Variants in CLASRP observed in about 807,000 individuals in gnomAD.
The protein encoded by CLASRP is CLK4 associating serine/arginine rich protein, also known as CLK4-associating serine/arginine rich protein.
CLASRP carries 52 observed loss-of-function variants against 99.9 expected under a neutral mutation model. The observed-to-expected ratio is 0.52, with a 90% CI of 0.42 to 0.66. CLASRP has a LOEUF of 0.66. CLASRP is among the 30% of genes least tolerant of loss of function. The pLI is 0.00. For missense variants in CLASRP, 848 were observed against 999.2 expected (o/e 0.85, Z 2.04); for synonymous variants, 379 against 373.0 (o/e 1.02, Z -0.18).
rs562991362 is a variant in CLASRP, at chr19:45,039,355, TCAAAAAAAAAAACAA to T, written c.-30+259_-30+273del. 8.2e-3 allele frequency among the ~76,000 whole-genome samples: 1,161 copies of T among 141,294 alleles called. 18 individuals are homozygous for T. Among genetic ancestry groups the T allele is most frequent in the African/African-American group, 0.029 (1,087 of 37,804 alleles). 92.7% of individuals were successfully genotyped at this position (141,294 alleles called of 152,430 possible). ...GCTTATCACAGGCCCCGCCCCCTTGTCAAAAAAAAAAACAACAAAAAAAAAACCCAGCCCAAATCC... is the reference window on the plus strand; with the variant it reads ...GCTTATCACAGGCCCCGCCCCCTTGTCAAAAAAAAAACCCAGCCCAAATCC... On this transcript the variant is annotated intron_variant, in intron 1 of 20. Coordinates refer to ENST00000221455, the MANE Select transcript of CLASRP (RefSeq NM_007056.3).
At chr19:45,061,901 G>A (rs1011939346) in intron 10 of CLASRP, among the ~76,000 whole-genome samples, 6 of 151,750 alleles carry the variant, frequency 4.0e-5, no homozygotes, top group Admixed American at 3.3e-4. Context: ...CAGAACCAGA[G>A]CTGCTGAAGT....
At chr19:45,046,412 C>T (rs892402404) in intron 2 of CLASRP, among the ~76,000 whole-genome samples, 1 of 152,166 alleles carries the variant, frequency 6.6e-6, no homozygotes, top group East Asian at 1.9e-4. Context: ...TCTGTTGATA[C>T]GGAAATAAGA....
intron 3 of CLASRP, 70 bp downstream of exon 3, chr19:45,052,238 A>C (rs1972038119): frequency 1.5e-6 from 2 of 1,321,494 alleles, no homozygotes; most frequent in Admixed American, 3.4e-5. Flanking sequence ...GGTGGTGTAG[A>C]GTGTGGAGCA....
At position 45,046,042 on chromosome 19, in the gene CLASRP, G is replaced by T. The variant is rs568144010; in HGVS notation, c.99+5731G>T. On this transcript the variant is annotated intron_variant, in intron 2 of 20. Coordinates refer to ENST00000221455, the MANE Select transcript of CLASRP (RefSeq NM_007056.3). The stretch of plus-strand genomic sequence containing the variant: ...AACCAATGTCTATGGGTGCTTTGTG[G>T]TGCAGGCCTGTACAAGCGGCCTTTG... Among the ~76,000 whole-genome samples the T allele has an allele frequency of 3.9e-5, 6 of 152,268 alleles. No individual in the cohort carries two copies. In the East Asian group the frequency reaches 1.2e-3, roughly 29 times the overall value.
At chr19:45,069,477 C>T (rs1967182805) in intron 18 of CLASRP, among the ~76,000 whole-genome samples, 1 of 152,228 alleles carries the variant, frequency 6.6e-6, no homozygotes, top group Non-Finnish European at 1.5e-5. Context: ...CCCAGCTCTT[C>T]CAGCCTCCAA....
At chr19:45,068,991 A>G (rs961110307) in intron 16 of CLASRP, 75 bp from the exon 17 acceptor site, 50 of 700,080 alleles carry the variant, frequency 7.1e-5, no homozygotes, top group Non-Finnish European at 9.2e-5. Flanking sequence ...CTCTGTCTCA[A>G]AAAAAAAAAA....
Position 45,064,581 on chromosome 19 carries a change from T to A in CLASRP, c.1360T>A (p.Ser454Thr). 1 of 1,542,946 alleles carries A rather than the reference T, an allele frequency of 6.5e-7. No individual in the cohort carries two copies. The highest frequency in any genetic ancestry group is 1.9e-5 in the Admixed American group (1 of 51,656). Residue 454 changes from serine (S) to threonine (T), a missense_variant, in exon 13 of 21, where the codon TCC (serine) becomes ACC (threonine). Coordinates refer to ENST00000221455, the MANE Select transcript of CLASRP (RefSeq NM_007056.3). ...GGGCTCCCGAGACGGACACCGGTAC[T>A]CCCGCTCGCCCGCCCGGCGTGGTGG... ...GGGSRDGHRY[S>T]RSPARRGGYG...
At chr19:45,050,109 T>C (rs1971994440) in intron 2 of CLASRP, among the ~76,000 whole-genome samples, 1 of 147,478 alleles carries the variant, frequency 6.8e-6, no homozygotes, top group South Asian at 2.1e-4. Flanking sequence ...AGGAATGGCG[T>C]GAGGCGAGGG....
intron 5 of CLASRP, 28 bp from the exon 6 acceptor site, chr19:45,056,422 C>T (rs759916518): frequency 6.2e-7 from 1 of 1,606,268 alleles, no homozygotes; most frequent in Admixed American, 1.7e-5. Context: ...CCAACCCACT[C>T]TGACCTGGGG....
At position 45,060,729 on chromosome 19, in the gene CLASRP, A is replaced by T. The variant is rs1356010217; in HGVS notation, c.863+102A>T. 1 of 939,576 alleles carries T rather than the reference A, an allele frequency of 1.1e-6. No homozygotes were observed. The allele number at this position is 939,576 out of a possible 1,614,324, so 58.2% of individuals were successfully genotyped here. ...TTTGGAGGCAGGCATTTGACTTGAG[A>T]AAGGAGTCTTTCTAGTGGGGCGATG... On this transcript the variant is annotated intron_variant, in intron 10 of 20. Coordinates refer to ENST00000221455, the MANE Select transcript of CLASRP (RefSeq NM_007056.3). The surrounding 1 kb of genome is among the most constrained non-coding windows in gnomAD (Gnocchi z 4.6).
chr19:45,066,463 C>T (rs1446307410), intron 13 of CLASRP, among the ~76,000 whole-genome samples: 2 of 151,286 alleles, frequency 1.3e-5, no homozygotes, highest in African/African-American at 4.9e-5. Context: ...TATAAAAACG[C>T]AATTCAAAAA....
rs565478334 is a variant in CLASRP at position 45,060,765 on chromosome 19, G to A, written c.863+138G>A. The A allele has an allele frequency of 8.4e-5, 59 of 705,484 alleles. No individual in the cohort carries two copies. Among genetic ancestry groups the A allele is most frequent in the Non-Finnish European group, 1.3e-4 (54 of 422,962 alleles). The allele number at this position is 705,484 out of a possible 1,614,324, so 43.7% of individuals were successfully genotyped here. On this transcript the variant is annotated intron_variant, in intron 10 of 20. Coordinates refer to ENST00000221455, the MANE Select transcript of CLASRP (RefSeq NM_007056.3). The surrounding 1 kb of genome is among the most constrained non-coding windows in gnomAD (Gnocchi z 4.6). ...TCTAGTGGGGCGATGCATGGCCATCGTGAAGGTTTAGAGGTAGGAACGGCC... is the reference window on the plus strand; with the variant it reads ...TCTAGTGGGGCGATGCATGGCCATCATGAAGGTTTAGAGGTAGGAACGGCC...
chr19:45,059,702 G>GT (rs899167820), intron 8 of CLASRP, among the ~76,000 whole-genome samples: 8 of 152,160 alleles, frequency 5.3e-5, no homozygotes, highest in African/African-American at 1.9e-4. Context: ...GTTGCTGGTT[G>GT]TACCTCTACC....
chr19:45,051,872 G>A (rs1972029908), intron 2 of CLASRP, among the ~76,000 whole-genome samples, 199 bp from the exon 3 acceptor site: 1 of 152,080 alleles, frequency 6.6e-6, no homozygotes, highest in Admixed American at 6.5e-5. Flanking sequence ...GAAAGCTGAG[G>A]CAGGAGAATG....
rs201698145 is a variant in CLASRP, at chr19:45,070,817, G to T, written c.1997G>T (p.Arg666Leu). ...YSSSRRRSRS[R>L]SRSPHYRH The stretch of plus-strand genomic sequence containing the variant: ...TCTCTTTCCAGGCGCTCAAGGTCCC[G>T]ATCCCGAAGCCCCCATTACCGACAT... Residue 666 changes from arginine to leucine, a missense_variant, in exon 21 of 21, where the codon CGA becomes CTA. Coordinates refer to ENST00000221455, the MANE Select transcript of CLASRP (RefSeq NM_007056.3). 22 of 1,591,724 alleles carry T rather than the reference G, an allele frequency of 1.4e-5. No homozygotes were observed. The highest frequency in any genetic ancestry group is 1.9e-5 in the Non-Finnish European group (22 of 1,166,388).
At chr19:45,068,633 A>G (rs1230057693) in intron 16 of CLASRP, among the ~76,000 whole-genome samples, 153 bp downstream of exon 16, 5 of 124,634 alleles carry the variant, frequency 4.0e-5, no homozygotes. Context: ...GGTTTGCATC[A>G]GCTCCGCTGC....
rs368169832 is a variant in CLASRP, at chr19:45,067,668, T to C, written c.1667+74T>C. On this transcript the variant is annotated intron_variant, in intron 14 of 20. Coordinates refer to ENST00000221455, the MANE Select transcript of CLASRP (RefSeq NM_007056.3). The surrounding 1 kb of genome is among the most constrained non-coding windows in gnomAD (Gnocchi z 4.9). The stretch of plus-strand genomic sequence containing the variant: ...AGGGTGAACATCACTGTTTTCTTTT[T>C]GAGGGGAACTTAGCCCTACCCTGGG... 1.5e-6 allele frequency: 2 copies of C among 1,375,400 alleles called. No individual in the cohort carries two copies. Among genetic ancestry groups the C allele is most frequent in the South Asian group, 1.3e-5 (1 of 74,116 alleles). 85.2% of individuals were successfully genotyped at this position (1,375,400 alleles called of 1,614,324 possible). A position where few individuals can be genotyped will look rare whatever the true frequency, so the allele number is the denominator to read the frequency against.
Position 45,070,533 on chromosome 19 carries a change from C to T in CLASRP, c.1958-4C>T, listed in dbSNP as rs1455328329. On this transcript the variant is annotated splice_region_variant and splice_polypyrimidine_tract_variant and intron_variant, in intron 19 of 20. Transcript: ENST00000221455. ...TCGCTCTTCACCTGTTGTTTTCTTT[C>T]CAGGTCGAGAATACAGCTCTTCTCG... 1 of 1,613,818 alleles carries T rather than the reference C, an allele frequency of 6.2e-7. No homozygotes were observed. The highest frequency in any genetic ancestry group is 8.5e-7 in the Non-Finnish European group (1 of 1,179,708).
rs186402244 is a variant in CLASRP at position 45,058,215 on chromosome 19, C to T, written c.613+317C>T. The T allele has an allele frequency of 2.4e-3, 847 of 358,672 alleles. 4 individuals are homozygous for T. Among genetic ancestry groups the T allele is most frequent in the African/African-American group, 0.016 (782 of 48,840 alleles). The allele number at this position is 358,672 out of a possible 1,614,324, so 22.2% of individuals were successfully genotyped here. ...CCTCTCTCCTGCTCTCTTCCCTCCT[C>T]TGGAAAACAAGTGTTCATCCTCTTA... On this transcript the variant is annotated intron_variant, in intron 7 of 20. Transcript: ENST00000221455.
Sources: allele counts gnomAD v4.1 joint callset (sites outside exome capture counted in the v4.1 genomes callset), GRCh38; gene constraint gnomAD v4.1.1; non-coding constraint Gnocchi (gnomAD v3.1); transcripts MANE v1.5; gene names NCBI Gene and HGNC (gene_info 2026-07-23, HGNC 2026-07-21).